Variants in RBFOX1 observed in about 807,000 individuals in gnomAD.
RBFOX1 encodes RNA binding protein fox-1 homolog 1.
RBFOX1 carries 8 observed loss-of-function variants against 57.7 expected under a neutral mutation model. The ratio of observed to expected loss-of-function variants is 0.14; its 90% CI spans 0.08 to 0.25. The LOEUF (loss-of-function observed/expected upper bound fraction) is 0.25, where lower values mean the gene tolerates loss of function less well. RBFOX1 is among the 10% of genes least tolerant of loss of function. RBFOX1 has a pLI of 1.00. For synonymous variants in RBFOX1, 326 were observed against 222.4 expected (o/e 1.47, Z -4.15); for missense variants, 611 against 548.5 (o/e 1.11, Z -1.14).
chr16:6,429,093 G>A (rs769963412), intron 2 of RBFOX1, among the ~76,000 whole-genome samples: 25 of 152,322 alleles, frequency 1.6e-4, no homozygotes, highest in Non-Finnish European at 3.4e-4. Context: ...CTTGTGTGGG[G>A]GATTAAGGAG....
chr16:5,668,821 T>G (rs578100337), intron 3 of RBFOX1, among the ~76,000 whole-genome samples: 17 of 152,282 alleles, frequency 1.1e-4, no homozygotes, highest in Non-Finnish European at 1.9e-4. Context: ...GGTCTGAAGT[T>G]GCTGGAGAGG....
At chr16:5,945,333 G>A (rs1051538362) in intron 4 of RBFOX1, among the ~76,000 whole-genome samples, 10 of 152,192 alleles carry the variant, frequency 6.6e-5, no homozygotes, top group African/African-American at 2.4e-4. Context: ...AACAAGGGGT[G>A]AGTTACAATA....
intron 4 of RBFOX1, among the ~76,000 whole-genome samples, chr16:7,505,973 C>A (rs538112733): frequency 6.6e-6 from 1 of 152,064 alleles, no homozygotes; most frequent in South Asian, 2.1e-4. Flanking sequence ...ATCACAAGGT[C>A]AGGAGGTTGA....
intron 2 of RBFOX1, among the ~76,000 whole-genome samples, chr16:6,478,429 A>ATACATATATATATATTTTTTTT (rs1159954387): frequency 4.1e-5 from 1 of 24,616 alleles, no homozygotes; most frequent in African/African-American, 1.3e-4. Context: ...ATATATATAT[A>ATACATATATATATATTTTTTTT]TTTTTTTTTT....
intron 3 of RBFOX1, among the ~76,000 whole-genome samples, chr16:6,796,337 G>C (rs980112893): frequency 6.6e-6 from 1 of 152,098 alleles, no homozygotes; most frequent in East Asian, 1.9e-4. Flanking sequence ...GACGACATGT[G>C]AGTGGGTACA....
chr16:6,382,890 A>T (rs1388581678), intron 2 of RBFOX1, among the ~76,000 whole-genome samples: 1 of 152,170 alleles, frequency 6.6e-6, no homozygotes, highest in African/African-American at 2.4e-5. Flanking sequence ...TCTCAAGCCC[A>T]CTGAAAAGTG....
chr16:5,857,969 A>G (rs1430610088), intron 3 of RBFOX1, among the ~76,000 whole-genome samples: 1 of 151,918 alleles, frequency 6.6e-6, no homozygotes, highest in East Asian at 1.9e-4. Flanking sequence ...AAGAAATGTT[A>G]TAAAATATCA....
At chr16:6,645,795 G>A (rs1252822579) in intron 2 of RBFOX1, among the ~76,000 whole-genome samples, 3 of 152,248 alleles carry the variant, frequency 2.0e-5, no homozygotes, top group Admixed American at 1.3e-4. Flanking sequence ...ACCCTGGCGT[G>A]TATTGGATAT....
At chr16:7,489,130 C>G (rs888135583) in intron 4 of RBFOX1, among the ~76,000 whole-genome samples, 1 of 152,318 alleles carries the variant, frequency 6.6e-6, no homozygotes, top group East Asian at 1.9e-4. Flanking sequence ...CCAAATCTCT[C>G]TGTTTCTCTG....
At chr16:5,650,021 C>G (rs1567346286) in intron 3 of RBFOX1, among the ~76,000 whole-genome samples, 1 of 152,196 alleles carries the variant, frequency 6.6e-6, no homozygotes, top group Non-Finnish European at 1.5e-5. Context: ...CCACATTGCT[C>G]TCTACATGAA....
Position 7,597,428 on chromosome 16 carries a change from A to G in RBFOX1, c.619A>G (p.Asn207Asp), listed in dbSNP as rs2094761954. The G allele has an allele frequency of 6.2e-7, 1 of 1,604,912 alleles. No homozygotes were observed. Among genetic ancestry groups the G allele is most frequent in the Admixed American group, 1.7e-5 (1 of 59,316 alleles). The change falls in exon 9 of 16, where the codon AAT (asparagine) becomes GAT (aspartate). Residue 207 changes from asparagine to aspartate, a missense_variant. By Grantham distance (23) the Asn-to-Asp change is conservative. Transcript: ENST00000550418. ...TNKKTVNPYT[N>D]GWKLNPVVGA... The stretch of plus-strand genomic sequence containing the variant: ...TAAAAAGACCGTCAACCCTTATACA[A>G]ATGGTAAGTAGAGATTGGCCTTTTA...
chr16:7,581,844 G>A (rs1402236014), intron 6 of RBFOX1, among the ~76,000 whole-genome samples: 1 of 152,050 alleles, frequency 6.6e-6, no homozygotes, highest in Non-Finnish European at 1.5e-5. Flanking sequence ...CCAAGTAGCT[G>A]GGACTACAGG....
At chr16:5,248,773 G>A (rs1232979505) in intron 1 of RBFOX1, among the ~76,000 whole-genome samples, 1 of 152,152 alleles carries the variant, frequency 6.6e-6, no homozygotes, top group Non-Finnish European at 1.5e-5. Flanking sequence ...GGGATCACCT[G>A]AGGTCAGGAC....
At chr16:6,957,514 C>T (rs1375844957) in intron 3 of RBFOX1, among the ~76,000 whole-genome samples, 5 of 152,110 alleles carry the variant, frequency 3.3e-5, no homozygotes, top group Non-Finnish European at 7.3e-5. Context: ...TAAACTTTCA[C>T]CGTGCTGGGG....
chr16:6,290,140 C>CT (rs1192497910), intron 1 of RBFOX1, among the ~76,000 whole-genome samples: 2 of 145,372 alleles, frequency 1.4e-5, no homozygotes, highest in Non-Finnish European at 3.0e-5. Flanking sequence ...TAGAAACTAC[C>CT]TTTTTTATGA....
At chr16:7,133,735 A>C (rs2071148619) in intron 4 of RBFOX1, among the ~76,000 whole-genome samples, 1 of 152,190 alleles carries the variant, frequency 6.6e-6, no homozygotes, top group Non-Finnish European at 1.5e-5. Context: ...GTTTCTTTAG[A>C]CGTAGAATAA....
At chr16:6,430,228 C>T (rs1407718462) in intron 2 of RBFOX1, among the ~76,000 whole-genome samples, 1 of 152,142 alleles carries the variant, frequency 6.6e-6, no homozygotes, top group Non-Finnish European at 1.5e-5. Context: ...CTACTGTGTG[C>T]TGGCTGAGGT....
At chr16:7,034,173 T>G (rs2043596007) in intron 3 of RBFOX1, among the ~76,000 whole-genome samples, 1 of 152,132 alleles carries the variant, frequency 6.6e-6, no homozygotes, top group Non-Finnish European at 1.5e-5. Flanking sequence ...TCAAATAGCC[T>G]GGGTTTGACT....
At chr16:7,030,373 T>G (rs1012135661) in intron 3 of RBFOX1, among the ~76,000 whole-genome samples, 1 of 152,172 alleles carries the variant, frequency 6.6e-6, no homozygotes, top group Admixed American at 6.5e-5. Context: ...TGGATGGCTT[T>G]AAAACAACAG....
Sources: gnomAD v4.1 joint callset for allele counts (sites outside exome capture counted in the v4.1 genomes callset) on GRCh38, gnomAD v4.1.1 for gene constraint, MANE v1.5 for transcripts, NCBI Gene and HGNC (gene_info 2026-07-23, HGNC 2026-07-21) for gene names.